The following DLGAP1 variants were observed in gnomAD, a reference collection of about 807,000 sequenced individuals.
DLGAP1 encodes the protein disks large-associated protein 1.
A neutral mutation model predicts 90.8 loss-of-function variants in DLGAP1; 11 were observed. That is an observed-to-expected ratio of 0.12 (90% CI 0.08 to 0.20). DLGAP1 has a LOEUF of 0.20. Ranked by LOEUF, DLGAP1 falls within the 10% of genes least tolerant of loss-of-function variation. The pLI is 1.00. For missense variants in DLGAP1, 1,050 were observed against 1,333.8 expected (o/e 0.79, Z 3.31); for synonymous variants, 558 against 540.7 (o/e 1.03, Z -0.44).
At chr18:4,034,037 C>CT (rs1212913784) in intron 2 of DLGAP1, among the ~76,000 whole-genome samples, 17,883 of 111,124 alleles carry the variant, frequency 0.16, 2,025 homozygotes, top group South Asian at 0.29. Context: ...GCGCCCGGCC[C>CT]TTTTTTTTTT....
chr18:4,363,712 T>G (rs1015243238), intron 1 of DLGAP1, among the ~76,000 whole-genome samples: 1 of 152,110 alleles, frequency 6.6e-6, no homozygotes, highest in South Asian at 2.1e-4. Flanking sequence ...TGAGATACCA[T>G]CTCACACCAG....
At chr18:4,229,938 T>C (rs529141642) in intron 1 of DLGAP1, among the ~76,000 whole-genome samples, 17 of 152,108 alleles carry the variant, frequency 1.1e-4, no homozygotes, top group African/African-American at 3.1e-4. Flanking sequence ...AACAACTCCA[T>C]AGGAAGAAAG....
At chr18:4,439,994 C>A (rs2083492966) in intron 1 of DLGAP1, among the ~76,000 whole-genome samples, 1 of 151,476 alleles carries the variant, frequency 6.6e-6, no homozygotes, top group Middle Eastern at 3.4e-3. Context: ...GTGGCAGGTG[C>A]CTGTTGTCTC....
intron 7 of DLGAP1, among the ~76,000 whole-genome samples, chr18:3,620,489 T>C (rs2058055596): frequency 6.6e-6 from 1 of 152,030 alleles, no homozygotes; most frequent in African/African-American, 2.4e-5. Flanking sequence ...ACAGCAGCAA[T>C]AGGAAAGCAT....
At chr18:4,000,402 C>T (rs1239817901) in intron 3 of DLGAP1, among the ~76,000 whole-genome samples, 10 of 152,044 alleles carry the variant, frequency 6.6e-5, no homozygotes, top group Admixed American at 6.6e-4. Flanking sequence ...CAGTTTATGC[C>T]CCTCCTCATT....
intron 3 of DLGAP1, among the ~76,000 whole-genome samples, chr18:3,899,756 C>T (rs1230967265): frequency 6.6e-6 from 1 of 152,132 alleles, no homozygotes; most frequent in Non-Finnish European, 1.5e-5. Flanking sequence ...CTTTTTCTCC[C>T]TCTCCCTCTG....
intron 2 of DLGAP1, among the ~76,000 whole-genome samples, chr18:4,099,115 G>A (rs1222201127): frequency 6.6e-6 from 1 of 152,112 alleles, no homozygotes; most frequent in African/African-American, 2.4e-5. Context: ...TAGTTTTGTT[G>A]TAAGAATTAG....
At chr18:4,080,922 C>T (rs1347015904) in intron 2 of DLGAP1, among the ~76,000 whole-genome samples, 1 of 148,198 alleles carries the variant, frequency 6.7e-6, no homozygotes, top group Non-Finnish European at 1.5e-5. Context: ...AAGTTTTGCT[C>T]TTGTAGCCCA....
At chr18:3,975,918 G>A (rs1246154504) in intron 3 of DLGAP1, among the ~76,000 whole-genome samples, 2 of 152,094 alleles carry the variant, frequency 1.3e-5, no homozygotes, top group Non-Finnish European at 1.5e-5. Context: ...CATGGCCTGG[G>A]GGAGAGGGAA....
At chr18:4,366,435 G>A (rs2081768445) in intron 1 of DLGAP1, among the ~76,000 whole-genome samples, 1 of 152,054 alleles carries the variant, frequency 6.6e-6, no homozygotes, top group Non-Finnish European at 1.5e-5. Flanking sequence ...AAAAGAGCAT[G>A]TCATGCACTG....
At chr18:4,210,188 T>C (rs2077812905) in intron 1 of DLGAP1, among the ~76,000 whole-genome samples, 1 of 152,234 alleles carries the variant, frequency 6.6e-6, no homozygotes, top group South Asian at 2.1e-4. Context: ...AGTCCTTCCC[T>C]GGCCTGTTAG....
intron 7 of DLGAP1, among the ~76,000 whole-genome samples, chr18:3,651,668 C>T (rs549538535): frequency 6.6e-6 from 1 of 151,384 alleles, no homozygotes; most frequent in Non-Finnish European, 1.5e-5. Flanking sequence ...GTGGTTCACG[C>T]CTGTAATCCC....
intron 1 of DLGAP1, among the ~76,000 whole-genome samples, chr18:4,443,333 G>A (rs138089947): frequency 1.5e-3 from 229 of 152,254 alleles, no homozygotes; most frequent in African/African-American, 5.2e-3. Flanking sequence ...TTCTGTTCCT[G>A]GATCAAGGCA....
At chr18:3,741,830 G>GTTTTCT (rs891167024) in intron 6 of DLGAP1, among the ~76,000 whole-genome samples, 2 of 141,568 alleles carry the variant, frequency 1.4e-5, no homozygotes, top group East Asian at 2.0e-4. Flanking sequence ...AAAAGCCGAA[G>GTTTTCT]TTTTCTTTTT....
chr18:4,186,589 T>C (rs1401100954), intron 1 of DLGAP1, among the ~76,000 whole-genome samples: 1 of 152,162 alleles, frequency 6.6e-6, no homozygotes, highest in African/African-American at 2.4e-5. Flanking sequence ...TGGTTATAGA[T>C]GTGTGGTCTT....
At chr18:3,731,777 C>T (rs1404615919) in intron 6 of DLGAP1, among the ~76,000 whole-genome samples, 1 of 152,010 alleles carries the variant, frequency 6.6e-6, no homozygotes, top group Non-Finnish European at 1.5e-5. Context: ...TACACAGATA[C>T]AGAAAACCAT....
At chr18:4,267,034 C>CT (rs2079146469) in intron 1 of DLGAP1, among the ~76,000 whole-genome samples, 1 of 152,202 alleles carries the variant, frequency 6.6e-6, no homozygotes, top group Admixed American at 6.5e-5. Flanking sequence ...TTACCTTACT[C>CT]TTTTGCAACT....
At position 3,517,634 on chromosome 18, in the gene DLGAP1, A is replaced by G. The variant is rs1434896757; in HGVS notation, c.2480-8973T>C. Among the ~76,000 whole-genome samples, 1 of 152,118 alleles carries G rather than the reference A, an allele frequency of 6.6e-6. No homozygotes were observed. The highest frequency in any genetic ancestry group is 1.5e-5 in the Non-Finnish European group (1 of 68,022). On this transcript the variant is annotated intron_variant, in intron 10 of 12. Coordinates refer to ENST00000315677, the MANE Select transcript of DLGAP1 (RefSeq NM_004746.4). This position sits in a 1 kb window ranked among gnomAD's most constrained non-coding sequence, Gnocchi z 4.1. ...GGAGGTCGAGACAAGCCTGACCAACATGGTGAAACCAAGTCTCTACTAAAA... is the reference window on the plus strand; with the variant it reads ...GGAGGTCGAGACAAGCCTGACCAACGTGGTGAAACCAAGTCTCTACTAAAA...
intron 1 of DLGAP1, among the ~76,000 whole-genome samples, chr18:4,151,926 T>C (rs2076681397): frequency 6.6e-6 from 1 of 152,138 alleles, no homozygotes; most frequent in South Asian, 2.1e-4. Context: ...TGTATACCTA[T>C]GTAACAAACC....
Sources: gnomAD v4.1 joint callset for allele counts (sites outside exome capture counted in the v4.1 genomes callset) on GRCh38, gnomAD v4.1.1 for gene constraint, Gnocchi (gnomAD v3.1) non-coding constraint, MANE v1.5 for transcripts, NCBI Gene and HGNC (gene_info 2026-07-23, HGNC 2026-07-21) for gene names.